TSHZ2: variants seen among roughly 807,000 people sequenced by gnomAD.
The protein encoded by TSHZ2 is teashirt zinc finger homeobox 2.
A neutral mutation model predicts 74.4 loss-of-function variants in TSHZ2; 21 were observed. That is an observed-to-expected ratio of 0.28 (90% CI 0.20 to 0.41). TSHZ2 has a LOEUF of 0.41. Among genes scored for constraint, TSHZ2 ranks in the 10% least tolerant of loss-of-function variants. The probability of loss-of-function intolerance (pLI) is 1.00; values close to 1 mark genes in which losing one functional copy is unlikely to be tolerated. For missense variants in TSHZ2, 1,244 were observed against 1,293.5 expected (o/e 0.96, Z 0.59); for synonymous variants, 540 against 515.3 (o/e 1.05, Z -0.65).
At chr20:53,049,770 A>C (rs2123123032) in intron 1 of TSHZ2, among the ~76,000 whole-genome samples, 1 of 152,202 alleles carries the variant, frequency 6.6e-6, no homozygotes, top group East Asian at 1.9e-4. Flanking sequence ...AGGGGAAAAA[A>C]AGCAGCATTT....
intron 1 of TSHZ2, among the ~76,000 whole-genome samples, chr20:53,120,703 T>C (rs1281241925): frequency 6.6e-6 from 1 of 152,114 alleles, no homozygotes; most frequent in African/African-American, 2.4e-5. Flanking sequence ...TCTTACCTCT[T>C]ATAAAAAAAT....
chr20:53,481,605 T>C (rs935958482), intron 2 of TSHZ2, among the ~76,000 whole-genome samples: 1 of 151,732 alleles, frequency 6.6e-6, no homozygotes, highest in Non-Finnish European at 1.5e-5. Flanking sequence ...AAAAGAATTT[T>C]AAAAAAATAA....
At chr20:53,437,308 A>G (rs1434308198) in intron 2 of TSHZ2, among the ~76,000 whole-genome samples, 1 of 152,070 alleles carries the variant, frequency 6.6e-6, no homozygotes, top group Non-Finnish European at 1.5e-5. Context: ...CCCTGTGTCT[A>G]CTAAAAATAC....
At chr20:53,058,123 T>C (rs1364831939) in intron 1 of TSHZ2, among the ~76,000 whole-genome samples, 1 of 152,092 alleles carries the variant, frequency 6.6e-6, no homozygotes, top group Non-Finnish European at 1.5e-5. Context: ...TTTAGGCCCT[T>C]GAGAGAATCC....
chr20:53,307,985 A>G (rs947409908), intron 2 of TSHZ2, among the ~76,000 whole-genome samples: 1 of 152,238 alleles, frequency 6.6e-6, no homozygotes, highest in Non-Finnish European at 1.5e-5. Context: ...CTCACTGGAC[A>G]GAGAAGGGAG....
intron 2 of TSHZ2, among the ~76,000 whole-genome samples, chr20:53,336,663 C>T (rs941043216): frequency 2.6e-5 from 4 of 152,068 alleles, no homozygotes; most frequent in Admixed American, 6.5e-5. Flanking sequence ...GTCTGTGTTA[C>T]GATGGTAGAT....
intron 2 of TSHZ2, among the ~76,000 whole-genome samples, chr20:53,295,134 T>G (rs1179970102): frequency 6.6e-6 from 1 of 152,210 alleles, no homozygotes; most frequent in African/African-American, 2.4e-5. Flanking sequence ...AACTAATGCT[T>G]CAACAACCCA....
intron 2 of TSHZ2, among the ~76,000 whole-genome samples, chr20:53,383,218 G>T (rs940784805): frequency 6.6e-6 from 1 of 151,494 alleles, no homozygotes; most frequent in Non-Finnish European, 1.5e-5. Context: ...AGCCGAGATT[G>T]TGCCACTGCA....
intron 2 of TSHZ2, among the ~76,000 whole-genome samples, chr20:53,387,029 C>T (rs550352663): frequency 3.3e-5 from 5 of 152,282 alleles, no homozygotes; most frequent in Admixed American, 6.5e-5. Context: ...CTGATGTCCT[C>T]GGGTTTCAGA....
intron 1 of TSHZ2, among the ~76,000 whole-genome samples, chr20:53,206,272 A>AT (rs1989166273): frequency 6.6e-6 from 1 of 152,214 alleles, no homozygotes. Flanking sequence ...CAGTCACCAC[A>AT]TATGATTGCT....
chr20:52,984,960 T>C (rs949682486), intron 1 of TSHZ2, among the ~76,000 whole-genome samples: 1 of 152,238 alleles, frequency 6.6e-6, no homozygotes, highest in Non-Finnish European at 1.5e-5. Flanking sequence ...TCCAGTTATA[T>C]GTAAGGGTCT....
intron 1 of TSHZ2, among the ~76,000 whole-genome samples, chr20:53,223,597 T>C (rs984227463): frequency 1.1e-4 from 16 of 152,144 alleles, no homozygotes; most frequent in African/African-American, 3.6e-4. Flanking sequence ...GATCTTGCTA[T>C]GTTGCCCAGG....
chr20:53,111,603 C>T (rs1178220243), intron 1 of TSHZ2, among the ~76,000 whole-genome samples: 2 of 152,198 alleles, frequency 1.3e-5, no homozygotes, highest in Non-Finnish European at 2.9e-5. Flanking sequence ...AATTCCAGCA[C>T]ATCTGCAGAG....
chr20:53,274,346 G>C (rs188290435), intron 2 of TSHZ2, among the ~76,000 whole-genome samples: 1 of 152,130 alleles, frequency 6.6e-6, no homozygotes, highest in African/African-American at 2.4e-5. Flanking sequence ...AAAAGGTCCC[G>C]CTGTGCTCGC....
chr20:53,162,695 AAGG>A (rs1419958186), intron 1 of TSHZ2, among the ~76,000 whole-genome samples: 1 of 152,156 alleles, frequency 6.6e-6, no homozygotes, highest in Non-Finnish European at 1.5e-5. Flanking sequence ...TTGCATGGGA[AAGG>A]AGGGGCTATG....
rs1986335440 is a variant in TSHZ2, at chr20:53,487,886, T to A, written c.*751T>A. On this transcript the variant is annotated 3_prime_UTR_variant, in exon 3 of 3. Transcript: ENST00000371497. ...CAGTGGTGGGGCACCTTGATCATCA[T>A]CATTATCTTGATTGGCTGAAAAAAA... 1 of 152,174 alleles carries A rather than the reference T, an allele frequency of 6.6e-6. No individual in the cohort carries two copies. The highest frequency in any genetic ancestry group is 1.9e-4 in the East Asian group (1 of 5,202). 9.4% of individuals were successfully genotyped at this position (152,174 alleles called of 1,614,324 possible).
At chr20:53,162,898 A>T (rs1271644017) in intron 1 of TSHZ2, among the ~76,000 whole-genome samples, 5 of 152,194 alleles carry the variant, frequency 3.3e-5, no homozygotes, top group Admixed American at 6.5e-5. Context: ...TATAAATATA[A>T]CATCTACTTA....
At chr20:53,055,013 C>A (rs1984592555) in intron 1 of TSHZ2, among the ~76,000 whole-genome samples, 1 of 152,168 alleles carries the variant, frequency 6.6e-6, no homozygotes, top group African/African-American at 2.4e-5. Flanking sequence ...TATGTCAAAT[C>A]TTCTGATTTC....
chr20:53,056,794 C>T (rs1283546508), intron 1 of TSHZ2, among the ~76,000 whole-genome samples: 1 of 152,144 alleles, frequency 6.6e-6, no homozygotes, highest in Admixed American at 6.6e-5. Context: ...TTTGTCTGTT[C>T]CTCTCTCTCA....
Sources: gnomAD v4.1 joint callset for allele counts (sites outside exome capture counted in the v4.1 genomes callset) on GRCh38, gnomAD v4.1.1 for gene constraint, MANE v1.5 for transcripts, NCBI Gene and HGNC (gene_info 2026-07-23, HGNC 2026-07-21) for gene names.